Variants in SLC22A5 observed in about 807,000 individuals in gnomAD.
SLC22A5 encodes the protein organic cation/carnitine transporter 2.
Under a neutral mutation model 56.7 loss-of-function variants are expected in SLC22A5, and 44 were observed. That is an observed-to-expected ratio of 0.78 (90% CI 0.61 to 1.00). The LOEUF is 1.00. SLC22A5 is among the 50% of genes least tolerant of loss of function. The pLI, the probability that SLC22A5 is intolerant of heterozygous loss-of-function variation, is 0.00. For missense variants in SLC22A5, 675 were observed against 723.0 expected (o/e 0.93, Z 0.76); for synonymous variants, 278 against 292.1 (o/e 0.95, Z 0.49).
intron 1 of SLC22A5, 133 bp from the exon 2 acceptor site, chr5:132,378,245 C>A: frequency 6.2e-7 from 1 of 1,614,020 alleles, no homozygotes; most frequent in Non-Finnish European, 8.5e-7. Flanking sequence ...GGTGAGCCAT[C>A]ACCTGACTAA....
At chr5:132,390,613 A>G in intron 6 of SLC22A5, 77 bp from the exon 7 acceptor site, 2 of 1,010,678 alleles carry the variant, frequency 2.0e-6, no homozygotes, top group Admixed American at 1.7e-5. Flanking sequence ...TACTGAAATA[A>G]TTGCATTGTA....
intron 3 of SLC22A5, among the ~76,000 whole-genome samples, chr5:132,385,097 C>T (rs368339638): frequency 1.1e-4 from 16 of 152,252 alleles, no homozygotes; most frequent in Admixed American, 4.6e-4. Flanking sequence ...CAGAACATGG[C>T]GAAATTTTCA....
chr5:132,386,652 G>A (rs770919434), intron 4 of SLC22A5, among the ~76,000 whole-genome samples: 1 of 152,224 alleles, frequency 6.6e-6, no homozygotes, highest in Non-Finnish European at 1.5e-5. Context: ...GGACAGGGAG[G>A]AGAGTGTAGC....
At position 132,371,767 on chromosome 5, in the gene SLC22A5, G is replaced by A. The variant is rs190038956; in HGVS notation, c.393+1402G>A. ...GCAGCAAGAAACCACCCAGCAGGACGGCGGAGTTCACAGAGAGGGGAGAGT... is the reference window on the plus strand; with the variant it reads ...GCAGCAAGAAACCACCCAGCAGGACAGCGGAGTTCACAGAGAGGGGAGAGT... On this transcript the variant is annotated intron_variant, in intron 1 of 9. Transcript: ENST00000245407. Among the ~76,000 whole-genome samples the A allele has an allele frequency of 1.4e-3, 213 of 152,158 alleles. 2 individuals carry two copies. Among genetic ancestry groups the A allele is most frequent in the South Asian group, 9.1e-3 (44 of 4,816 alleles).
chr5:132,370,953 C>CTTTTTTTTTTTTTTTTTTT (rs750736082), intron 1 of SLC22A5, among the ~76,000 whole-genome samples: 1 of 133,786 alleles, frequency 7.5e-6, no homozygotes, highest in East Asian at 2.4e-4. Context: ...AGTTGTCAGT[C>CTTTTTTTTTTTTTTTTTTT]TTTTTTTTTT....
intron 6 of SLC22A5, 116 bp downstream of exon 6, chr5:132,389,137 G>A (rs768249647): frequency 1.4e-6 from 1 of 726,408 alleles, no homozygotes; most frequent in Non-Finnish European, 2.5e-6. Context: ...ATCAGAGAGT[G>A]AAAAGGATAT....
chr5:132,382,104 A>AT (rs1243930515), intron 2 of SLC22A5: 2 of 152,174 alleles, frequency 1.3e-5, no homozygotes, highest in African/African-American at 4.8e-5. Context: ...ATTTTAGAAT[A>AT]TTTAACAACA....
intron 1 of SLC22A5, among the ~76,000 whole-genome samples, chr5:132,371,636 C>A (rs1751935804): frequency 6.6e-6 from 1 of 152,150 alleles, no homozygotes; most frequent in Non-Finnish European, 1.5e-5. Flanking sequence ...ACTAAATGTG[C>A]AGATGACCAA....
chr5:132,385,190 C>T, intron 3 of SLC22A5, 138 bp from the exon 4 acceptor site: 2 of 814,772 alleles, frequency 2.5e-6, no homozygotes, highest in Non-Finnish European at 4.3e-6. Context: ...TTCAGAACGC[C>T]ATCCGCTCCC....
Position 132,370,382 on chromosome 5 carries a change from G to T in SLC22A5, c.393+17G>T. ...GTGACCGAGGTGGGTGCCGGCCCCTGCTGGGGCTGAGACCAGGGCTCGGAG... is the reference window on the plus strand; with the variant it reads ...GTGACCGAGGTGGGTGCCGGCCCCTTCTGGGGCTGAGACCAGGGCTCGGAG... On this transcript the variant is annotated intron_variant, in intron 1 of 9. Coordinates refer to ENST00000245407, the MANE Select transcript of SLC22A5 (RefSeq NM_003060.4). 6.2e-7 allele frequency: 1 copy of T among 1,610,792 alleles called. No homozygotes were observed. Among genetic ancestry groups the T allele is most frequent in the Non-Finnish European group, 8.5e-7 (1 of 1,179,264 alleles).
At chr5:132,385,605 A>G in intron 4 of SLC22A5, 106 bp downstream of exon 4, 1 of 906,020 alleles carries the variant, frequency 1.1e-6, no homozygotes, top group East Asian at 2.5e-5. Flanking sequence ...TCTCCCAGAG[A>G]CAGGAAGCAT....
intron 7 of SLC22A5, among the ~76,000 whole-genome samples, chr5:132,391,989 G>A (rs1292709918): frequency 1.3e-5 from 2 of 152,212 alleles, no homozygotes; most frequent in African/African-American, 4.8e-5. Flanking sequence ...AGATCAACTT[G>A]AGATTCTGAT....
rs571934092 is a variant in SLC22A5, at chr5:132,378,672, G to A, written c.497+191G>A. 1,334 of 611,000 alleles carry A rather than the reference G, an allele frequency of 2.2e-3. 28 individuals carry two copies. Among genetic ancestry groups the A allele is most frequent in the South Asian group, 0.016 (863 of 53,172 alleles). 37.8% of individuals were successfully genotyped at this position (611,000 alleles called of 1,614,324 possible). A position where few individuals can be genotyped will look rare whatever the true frequency, so the allele number is the denominator to read the frequency against. The stretch of plus-strand genomic sequence containing the variant: ...CAACAAATCTGACTCCGTAATTCTT[G>A]CTAAGTAAAGAAACCTGAGCTGTCT... On this transcript the variant is annotated intron_variant, in intron 2 of 9. Coordinates refer to ENST00000245407, the MANE Select transcript of SLC22A5 (RefSeq NM_003060.4).
In SLC22A5 at chr5:132,392,460, T is replaced by G. The variant is rs1172191328; in HGVS notation, c.1295T>G (p.Val432Gly). 1 of 1,614,114 alleles carries G rather than the reference T, an allele frequency of 6.2e-7. No individual in the cohort carries two copies. Among genetic ancestry groups the G allele is most frequent in the Admixed American group, 1.7e-5 (1 of 60,002 alleles). The change falls in exon 8 of 10, where the codon GTG becomes GGG. Residue 432 changes from valine (V) to glycine (G), a missense_variant. By Grantham distance (109) the Val-to-Gly change is moderately radical. Coordinates refer to ENST00000245407, the MANE Select transcript of SLC22A5 (RefSeq NM_003060.4). ...TTGTATTATTTGGCTACAGTCCTGG[T>G]GATGGTGGGCAAGTTTGGAGTCACG... ...PDLYYLATVL[V>G]MVGKFGVTAA... is the part of the protein sequence containing the mutation.
At position 132,387,055 on chromosome 5, in the gene SLC22A5, C is replaced by T; in HGVS notation, c.855C>T (p.Ile285=). The T allele has an allele frequency of 6.2e-7, 1 of 1,614,126 alleles. No individual in the cohort carries two copies. The highest frequency in any genetic ancestry group is 8.5e-7 in the Non-Finnish European group (1 of 1,179,936). ...WFIPESPRWL[I]SQGRFEEAEV... is the part of the protein sequence containing the mutation. ...TCCCTGAGTCCCCCCGATGGCTCAT[C>T]TCTCAGGGACGATTTGAAGAGGCAG... The change falls in exon 5 of 10, where the codon ATC becomes ATT. Residue 285 remains isoleucine, a synonymous_variant. Transcript: ENST00000245407.
chr5:132,381,120 C>T (rs989914425), intron 2 of SLC22A5: 4 of 152,146 alleles, frequency 2.6e-5, no homozygotes, highest in African/African-American at 9.7e-5. Flanking sequence ...TCAGCTGTGT[C>T]ATGGGTCAGC....
chr5:132,370,326 G>A lies in SLC22A5; in HGVS notation c.354G>A (p.Glu118=). The change falls in exon 1 of 10, where the codon GAG becomes GAA. Residue 118 remains glutamate (E), a synonymous_variant. Coordinates refer to ENST00000245407, the MANE Select transcript of SLC22A5 (RefSeq NM_003060.4). Reference sequence around the variant, plus strand: ...AGGAGAGCTGTCTGGATGGCTGGGAGTTCAGTCAGGACGTCTACCTGTCCA... The same window carrying A: ...AGGAGAGCTGTCTGGATGGCTGGGAATTCAGTCAGGACGTCTACCTGTCCA... ...LEQESCLDGW[E]FSQDVYLSTI... 1.2e-6 allele frequency: 2 copies of A among 1,612,106 alleles called. No individual in the cohort carries two copies. The highest frequency in any genetic ancestry group is 1.7e-6 in the Non-Finnish European group (2 of 1,179,654).
At chr5:132,392,170 A>G (rs1410438519) in intron 7 of SLC22A5, among the ~76,000 whole-genome samples, 1 of 152,212 alleles carries the variant, frequency 6.6e-6, no homozygotes, top group African/African-American at 2.4e-5. Context: ...TAGACTGGGA[A>G]GCAGGTTGAT....
intron 3 of SLC22A5, among the ~76,000 whole-genome samples, chr5:132,385,097 C>G (rs368339638): frequency 6.6e-6 from 1 of 152,136 alleles, no homozygotes; most frequent in Non-Finnish European, 1.5e-5. Flanking sequence ...CAGAACATGG[C>G]GAAATTTTCA....
Sources: allele counts gnomAD v4.1 joint callset (sites outside exome capture counted in the v4.1 genomes callset), GRCh38; gene constraint gnomAD v4.1.1; transcripts MANE v1.5; gene names NCBI Gene and HGNC (gene_info 2026-07-23, HGNC 2026-07-21).